LARP4B: variants seen among roughly 807,000 people sequenced by gnomAD.
LARP4B encodes the protein La ribonucleoprotein 4B, also known as la-related protein 4B.
A neutral mutation model predicts 89.8 loss-of-function variants in LARP4B; 12 were observed. That is an observed-to-expected ratio of 0.13 (90% CI 0.09 to 0.22). LARP4B has a LOEUF of 0.22. Ranked by LOEUF, LARP4B falls within the 10% of genes least tolerant of loss-of-function variation. The pLI, the probability that LARP4B is intolerant of heterozygous loss-of-function variation, is 1.00. For missense variants in LARP4B, 757 were observed against 947.7 expected (o/e 0.80, Z 2.64); for synonymous variants, 367 against 363.3 (o/e 1.01, Z -0.12).
At chr10:913,665 G>A (rs1202235700) in intron 1 of LARP4B, among the ~76,000 whole-genome samples, 2 of 152,294 alleles carry the variant, frequency 1.3e-5, no homozygotes, top group East Asian at 1.9e-4. Flanking sequence ...AATTAGGGCC[G>A]GGTGCAGTGG....
the LARP4B span, among the ~76,000 whole-genome samples, chr10:968,014 TTC>T: frequency 6.6e-6 from 1 of 152,188 alleles, no homozygotes; most frequent in African/African-American, 2.4e-5. Flanking sequence ...GTTTTCTATG[TTC>T]TAGAGCAGTG....
intron 1 of LARP4B, among the ~76,000 whole-genome samples, chr10:886,585 G>A (rs542495845): frequency 2.0e-5 from 3 of 152,154 alleles, no homozygotes; most frequent in African/African-American, 7.2e-5. Flanking sequence ...TAGAAATTGG[G>A]ATGTGTGTAT....
At chr10:937,620 C>G in the LARP4B span, among the ~76,000 whole-genome samples, 3 of 152,196 alleles carry the variant, frequency 2.0e-5, no homozygotes, top group South Asian at 6.2e-4. Context: ...GTGTCTGCCT[C>G]AGTTATATGG....
At chr10:937,877 TTTA>T in the LARP4B span, among the ~76,000 whole-genome samples, 3 of 152,048 alleles carry the variant, frequency 2.0e-5, no homozygotes, top group Non-Finnish European at 2.9e-5. Context: ...TTTTATTTTA[TTTA>T]TTTTTATTTA....
intron 8 of LARP4B, among the ~76,000 whole-genome samples, chr10:832,145 G>A (rs188040654): frequency 1.8e-4 from 28 of 152,156 alleles, no homozygotes; most frequent in Non-Finnish European, 3.2e-4. Flanking sequence ...CCGGGTTCAC[G>A]CCATTCTCCT....
intron 8 of LARP4B, among the ~76,000 whole-genome samples, chr10:832,315 T>C (rs1832951864): frequency 6.6e-6 from 1 of 152,110 alleles, no homozygotes; most frequent in Admixed American, 6.6e-5. Flanking sequence ...AGTGCTGGGA[T>C]TACAGGCATG....
At chr10:837,904 T>C (rs549142388) in intron 7 of LARP4B, among the ~76,000 whole-genome samples, 1 of 152,118 alleles carries the variant, frequency 6.6e-6, no homozygotes, top group African/African-American at 2.4e-5. Context: ...ATATAAAAAA[T>C]GTCTACTTCT....
intron 4 of LARP4B, 48 bp downstream of exon 4, chr10:864,075 A>T: frequency 6.2e-7 from 1 of 1,609,328 alleles, no homozygotes; most frequent in Non-Finnish European, 8.5e-7. Flanking sequence ...CAACAAAAGC[A>T]CAGGCCTGAA....
intron 14 of LARP4B, chr10:820,557 CCACAGCACAA>C: frequency 4.2e-6 from 2 of 477,152 alleles, no homozygotes; most frequent in Non-Finnish European, 7.4e-6. Context: ...CATGCCTGTG[CCACAGCACAA>C]CACGCCTGTG....
At chr10:853,877 T>C (rs1834174807) in intron 5 of LARP4B, among the ~76,000 whole-genome samples, 1 of 152,196 alleles carries the variant, frequency 6.6e-6, no homozygotes, top group Admixed American at 6.5e-5. Context: ...GGACGGACTC[T>C]TGCTTTCACC....
At chr10:960,238 G>A in the LARP4B span, among the ~76,000 whole-genome samples, 1 of 152,126 alleles carries the variant, frequency 6.6e-6, no homozygotes, top group African/African-American at 2.4e-5. Flanking sequence ...GGTTGACAGA[G>A]GGGGAGGGAT....
At chr10:897,444 T>G (rs1163099943) in intron 1 of LARP4B, among the ~76,000 whole-genome samples, 1 of 152,182 alleles carries the variant, frequency 6.6e-6, no homozygotes, top group Non-Finnish European at 1.5e-5. Context: ...CAGTAAATCT[T>G]CATAAACTTG....
intron 8 of LARP4B, among the ~76,000 whole-genome samples, chr10:832,635 G>A (rs1472070958): frequency 2.0e-5 from 3 of 152,134 alleles, no homozygotes; most frequent in Admixed American, 2.0e-4. Flanking sequence ...AAAAACCACA[G>A]AAAACGTATA....
chr10:821,431 T>G (rs1196540028), intron 13 of LARP4B, among the ~76,000 whole-genome samples: 1 of 152,266 alleles, frequency 6.6e-6, no homozygotes, highest in Admixed American at 6.5e-5. Flanking sequence ...GACCTCCCCA[T>G]GCAGGCAGCA....
chr10:820,803 A>C lies in LARP4B; in HGVS notation c.1527T>G (p.Phe509Leu). Reference protein sequence around the residue: ...FGYRKKREEKFTSSQTQSPTP... With the variant: ...FGYRKKREEKLTSSQTQSPTP... Reference sequence around the variant, plus strand: ...GGTATATGCTTTATGTACTCACTGTAAACTTCTCCTCCCTTTTCTTCCGGT... The same window carrying C: ...GGTATATGCTTTATGTACTCACTGTCAACTTCTCCTCCCTTTTCTTCCGGT... Residue 509 changes from phenylalanine to leucine, a missense_variant, in exon 14 of 18, where the codon TTT (phenylalanine) becomes TTG (leucine). Phe to Leu is a conservative substitution (Grantham distance 22, BLOSUM62 0). Transcript: ENST00000316157. 6.2e-7 allele frequency: 1 copy of C among 1,612,862 alleles called. No homozygotes were observed. The highest frequency in any genetic ancestry group is 1.1e-5 in the South Asian group (1 of 91,014).
chr10:895,035 A>C (rs1836144584), intron 1 of LARP4B, among the ~76,000 whole-genome samples: 1 of 152,128 alleles, frequency 6.6e-6, no homozygotes, highest in Non-Finnish European at 1.5e-5. Context: ...AAATACAAAA[A>C]ATTAGCTGCG....
At chr10:949,532 C>T in the LARP4B span, among the ~76,000 whole-genome samples, 2 of 152,224 alleles carry the variant, frequency 1.3e-5, no homozygotes, top group Non-Finnish European at 2.9e-5. Flanking sequence ...AACCCGTTTT[C>T]CAGGCAGCTG....
chr10:976,273 C>T, the LARP4B span, among the ~76,000 whole-genome samples: 45 of 118,646 alleles, frequency 3.8e-4, 2 homozygotes, highest in Middle Eastern at 8.5e-3. Flanking sequence ...AAGCCTGTCA[C>T]GTAACGTGTG....
chr10:812,932 A>G lies in LARP4B; in HGVS notation c.2211T>C (p.Pro737=), dbSNP rs1337943748. ...SREQSTPPKS[P]Q ...CCTCCCAGACGTACGGTTTTCACTG[A>G]GGAGACTTGGGGGGAGTGCTCTGCT... Residue 737 remains proline (P), a synonymous_variant, in exon 18 of 18, where the codon CCT becomes CCC. Transcript: ENST00000316157. 1 of 1,537,678 alleles carries G rather than the reference A, an allele frequency of 6.5e-7. No homozygotes were observed. The highest frequency in any genetic ancestry group is 8.7e-7 in the Non-Finnish European group (1 of 1,149,954).
Sources: allele counts gnomAD v4.1 joint callset (sites outside exome capture counted in the v4.1 genomes callset), GRCh38; gene constraint gnomAD v4.1.1; transcripts MANE v1.5; gene names NCBI Gene and HGNC (gene_info 2026-07-23, HGNC 2026-07-21).